Variants in GRM5 observed in about 807,000 individuals in gnomAD.
GRM5 encodes glutamate metabotropic receptor 5, also known as metabotropic glutamate receptor 5.
Under a neutral mutation model 83.1 loss-of-function variants are expected in GRM5, and 19 were observed. The ratio of observed to expected loss-of-function variants is 0.23; its 90% CI spans 0.16 to 0.34. The LOEUF (loss-of-function observed/expected upper bound fraction) is 0.34, where lower values mean the gene tolerates loss of function less well. Ranked by LOEUF, GRM5 falls within the 10% of genes least tolerant of loss-of-function variation. GRM5 has a pLI of 1.00. For synonymous variants in GRM5, 675 were observed against 633.6 expected (o/e 1.07, Z -0.98); for missense variants, 1,160 against 1,588.3 (o/e 0.73, Z 4.58).
At chr11:88,761,228 G>A (rs1942508085) in intron 3 of GRM5, among the ~76,000 whole-genome samples, 1 of 152,116 alleles carries the variant, frequency 6.6e-6, no homozygotes, top group Non-Finnish European at 1.5e-5. Flanking sequence ...AAGAAATAAA[G>A]GGCATCCAAG....
intron 3 of GRM5, among the ~76,000 whole-genome samples, chr11:88,737,118 G>A (rs1941930293): frequency 6.6e-6 from 1 of 152,076 alleles, no homozygotes; most frequent in African/African-American, 2.4e-5. Context: ...AGGTGTACCT[G>A]CAACTTAAAG....
chr11:88,605,428 G>A (rs1938114768), intron 4 of GRM5, among the ~76,000 whole-genome samples: 2 of 150,690 alleles, frequency 1.3e-5, no homozygotes. Context: ...TACCTATTTA[G>A]ATTTATCACC....
intron 2 of GRM5, among the ~76,000 whole-genome samples, chr11:88,954,062 C>T (rs936713385): frequency 6.6e-6 from 1 of 152,156 alleles, no homozygotes; most frequent in African/African-American, 2.4e-5. Flanking sequence ...GGTTATCAAC[C>T]TGCTGTTCTC....
intron 2 of GRM5, among the ~76,000 whole-genome samples, chr11:88,928,933 C>T (rs1180695699): frequency 6.6e-6 from 1 of 151,814 alleles, no homozygotes; most frequent in African/African-American, 2.4e-5. Context: ...CACACACACA[C>T]ACACACACAC....
chr11:88,647,422 G>T (rs1307574040), intron 4 of GRM5, among the ~76,000 whole-genome samples: 3 of 151,934 alleles, frequency 2.0e-5, no homozygotes, highest in East Asian at 3.9e-4. Flanking sequence ...AATTCCAGGA[G>T]CCCCAAAAGT....
chr11:89,016,328 T>C (rs1940855165), intron 2 of GRM5, among the ~76,000 whole-genome samples: 1 of 150,890 alleles, frequency 6.6e-6, no homozygotes, highest in Admixed American at 6.6e-5. Flanking sequence ...TATGTACATG[T>C]TATGTGCATG....
chr11:88,863,504 T>C (rs1276819846), intron 2 of GRM5, among the ~76,000 whole-genome samples: 2 of 151,988 alleles, frequency 1.3e-5, no homozygotes, highest in Non-Finnish European at 2.9e-5. Context: ...AGCAAATGAA[T>C]TGGGAAACAG....
At chr11:88,665,439 T>C (rs1432255191) in intron 3 of GRM5, among the ~76,000 whole-genome samples, 1 of 152,122 alleles carries the variant, frequency 6.6e-6, no homozygotes, top group African/African-American at 2.4e-5. Context: ...TGAGGCAACA[T>C]GTTTTTCCTG....
chr11:88,873,578 T>A (rs1307808845), intron 2 of GRM5, among the ~76,000 whole-genome samples: 1 of 151,532 alleles, frequency 6.6e-6, no homozygotes, highest in Non-Finnish European at 1.5e-5. Flanking sequence ...AATGTACAAA[T>A]AAATGAAAAT....
intron 3 of GRM5, among the ~76,000 whole-genome samples, chr11:88,833,011 T>G (rs978662922): frequency 6.6e-6 from 1 of 151,756 alleles, no homozygotes; most frequent in Non-Finnish European, 1.5e-5. Flanking sequence ...ATAAAACTAC[T>G]AAAAGAAAAC....
At chr11:89,009,900 C>CAAAAAAAAAAAAAAAAAAAAAA (rs758398638) in intron 2 of GRM5, among the ~76,000 whole-genome samples, 1 of 21,688 alleles carries the variant, frequency 4.6e-5, no homozygotes, top group African/African-American at 1.2e-4. Flanking sequence ...GACTCCGTCT[C>CAAAAAAAAAAAAAAAAAAAAAA]AAAAAAAAAA....
At chr11:88,759,697 G>C (rs976341441) in intron 3 of GRM5, among the ~76,000 whole-genome samples, 1 of 151,920 alleles carries the variant, frequency 6.6e-6, no homozygotes. Flanking sequence ...AGATATCCAG[G>C]ATCTAAAATC....
intron 3 of GRM5, among the ~76,000 whole-genome samples, chr11:88,729,087 CTGTT>C (rs1411996612): frequency 6.6e-6 from 1 of 152,188 alleles, no homozygotes; most frequent in Non-Finnish European, 1.5e-5. Flanking sequence ...AAAATTGTCT[CTGTT>C]TGCAGATGAC....
intron 4 of GRM5, among the ~76,000 whole-genome samples, chr11:88,623,624 A>G (rs890011488): frequency 6.6e-6 from 1 of 152,232 alleles, no homozygotes; most frequent in Non-Finnish European, 1.5e-5. Context: ...TTGACTGCCA[A>G]GCAATGGGAA....
At chr11:89,029,562 G>C (rs770957731) in intron 2 of GRM5, among the ~76,000 whole-genome samples, 5 of 152,082 alleles carry the variant, frequency 3.3e-5, no homozygotes, top group Non-Finnish European at 7.4e-5. Flanking sequence ...CCAGCACTCT[G>C]AACATTAACA....
intron 5 of GRM5, among the ~76,000 whole-genome samples, chr11:88,599,000 G>A (rs967968520): frequency 6.6e-6 from 1 of 152,162 alleles, no homozygotes; most frequent in Admixed American, 6.5e-5. Context: ...CCTAAACCAA[G>A]CCTTTAGATT....
intron 2 of GRM5, among the ~76,000 whole-genome samples, chr11:88,923,367 G>A (rs1945726512): frequency 1.3e-5 from 2 of 152,104 alleles, no homozygotes. Flanking sequence ...CACTATTCAG[G>A]CATAAAAAAA....
At chr11:88,689,824 C>T (rs748852668) in intron 3 of GRM5, among the ~76,000 whole-genome samples, 3 of 152,082 alleles carry the variant, frequency 2.0e-5, no homozygotes, top group Non-Finnish European at 2.9e-5. Context: ...CATAGCGATA[C>T]GAATAACCAG....
At chr11:88,994,448 TATATATATATATATATATATATA>T in intron 2 of GRM5, among the ~76,000 whole-genome samples, 1 of 17,160 alleles carries the variant, frequency 5.8e-5, no homozygotes, top group East Asian at 8.6e-4. Flanking sequence ...TAACTGATTA[TATATATATATATATATATATATA>T]TATATATATA....
Sources: allele counts gnomAD v4.1 joint callset (sites outside exome capture counted in the v4.1 genomes callset), GRCh38; gene constraint gnomAD v4.1.1; transcripts MANE v1.5; gene names NCBI Gene and HGNC (gene_info 2026-07-23, HGNC 2026-07-21).